Variants in DLC1 observed in about 807,000 individuals in gnomAD.
The protein encoded by DLC1 is rho GTPase-activating protein 7.
In DLC1, 54 loss-of-function variants were observed where a neutral mutation model predicts 140.3. The observed-to-expected ratio is 0.38, with a 90% CI of 0.31 to 0.48. DLC1 has a LOEUF of 0.48. Ranked by LOEUF, DLC1 falls within the 20% of genes least tolerant of loss-of-function variation. The probability of loss-of-function intolerance (pLI) is 0.96; values close to 1 mark genes in which losing one functional copy is unlikely to be tolerated. For missense variants in DLC1, 2,536 were observed against 1,907.0 expected, an observed-to-expected ratio of 1.33 and a Z score of -6.14; for synonymous variants, 986 against 728.1, an observed-to-expected ratio of 1.35 and a Z score of -5.70.
chr8:13,491,802 T>C (rs1801258963), intron 2 of DLC1, among the ~76,000 whole-genome samples: 1 of 152,198 alleles, frequency 6.6e-6, no homozygotes, highest in African/African-American at 2.4e-5. Context: ...GTGGTGGTTG[T>C]ATGACTTAAG....
intron 2 of DLC1, among the ~76,000 whole-genome samples, chr8:13,491,391 G>T (rs1279485523): frequency 6.6e-6 from 1 of 151,864 alleles, no homozygotes; most frequent in Non-Finnish European, 1.5e-5. Context: ...TGACATTTTT[G>T]ATATGGACTC....
At chr8:13,551,260 A>G (rs539652478) in intron 1 of DLC1, among the ~76,000 whole-genome samples, 1 of 152,188 alleles carries the variant, frequency 6.6e-6, no homozygotes, top group African/African-American at 2.4e-5. Flanking sequence ...TAGATGTTCA[A>G]TCTAGCATGC....
intron 5 of DLC1, among the ~76,000 whole-genome samples, chr8:13,234,564 T>C (rs1332643019): frequency 6.6e-6 from 1 of 152,144 alleles, no homozygotes; most frequent in East Asian, 1.9e-4. Context: ...AAGCTACTTC[T>C]TAGCACTTCC....
chr8:13,427,240 T>C (rs1838633994), intron 2 of DLC1, among the ~76,000 whole-genome samples: 1 of 152,190 alleles, frequency 6.6e-6, no homozygotes, highest in Admixed American at 6.5e-5. Context: ...ATCAATGCAT[T>C]GCCCCATGCC....
intron 1 of DLC1, chr8:13,566,725 G>C (rs567110686): frequency 7.6e-5 from 36 of 472,400 alleles, no homozygotes; most frequent in African/African-American, 6.7e-4. Flanking sequence ...GCAGAAGACA[G>C]GGCAAAATCG....
chr8:13,170,417 T>C (rs918008464), intron 5 of DLC1, among the ~76,000 whole-genome samples: 1 of 152,214 alleles, frequency 6.6e-6, no homozygotes, highest in African/African-American at 2.4e-5. Flanking sequence ...ACATTACTTA[T>C]CTCAGAAAAG....
intron 5 of DLC1, among the ~76,000 whole-genome samples, chr8:13,259,139 G>GAAAAAAAAA (rs776038964): frequency 3.0e-5 from 2 of 66,636 alleles, no homozygotes; most frequent in African/African-American, 5.6e-5. Flanking sequence ...TCCGTCTCAA[G>GAAAAAAAAA]AAAAAAAAAA....
chr8:13,241,331 CTT>C (rs1829536164), intron 5 of DLC1, among the ~76,000 whole-genome samples: 1 of 152,164 alleles, frequency 6.6e-6, no homozygotes, highest in Non-Finnish European at 1.5e-5. Context: ...ACTGTAAACT[CTT>C]TAGTGTGGGC....
chr8:13,518,688 C>G (rs1802671575), upstream of DLC1, among the ~76,000 whole-genome samples: 1 of 152,006 alleles, frequency 6.6e-6, no homozygotes, highest in African/African-American at 2.4e-5. Flanking sequence ...TTTATGTTTT[C>G]CATTTTTGTT....
rs1804588002 is a variant in DLC1, at chr8:13,569,920, T to C, written c.-126+34617A>G. Among the ~76,000 whole-genome samples, 3 of 152,082 alleles carry C rather than the reference T, an allele frequency of 2.0e-5. No individual in the cohort carries two copies. In the South Asian group the frequency reaches 6.2e-4, roughly 31 times the overall value. ...TTATTTGTATTTTCAGTAGAGAAAT[T>C]TTGCTATGTTGCCCAGACTGGTCTG... On this transcript the variant is annotated intron_variant, in intron 1 of 1. Transcript: ENST00000631382.
upstream of DLC1, among the ~76,000 whole-genome samples, chr8:13,516,685 A>G (rs1158521060): frequency 2.0e-5 from 3 of 152,218 alleles, no homozygotes; most frequent in Non-Finnish European, 4.4e-5. Flanking sequence ...GGTTTCTTTA[A>G]TTTAATCTTC....
At chr8:13,594,194 T>A (rs994130935) in intron 1 of DLC1, among the ~76,000 whole-genome samples, 1 of 152,002 alleles carries the variant, frequency 6.6e-6, no homozygotes, top group Admixed American at 6.6e-5. Flanking sequence ...TTTTATATGA[T>A]AGTGATAAAA....
rs892782362 is a variant in DLC1 at position 13,431,771 on chromosome 8, A to T, written c.1024-30152T>A. Among the ~76,000 whole-genome samples, 8 of 152,160 alleles carry T rather than the reference A, an allele frequency of 5.3e-5. No homozygotes were observed. In the East Asian group the frequency reaches 1.5e-3, roughly 29 times the overall value. On this transcript the variant is annotated intron_variant, in intron 2 of 17. Transcript: ENST00000276297. ...CCTATCTGTAGGGCTTGGGAAAGGG[A>T]ACGTGGGTGGGGAAGTGGGGTGGCA...
intron 7 of DLC1, among the ~76,000 whole-genome samples, chr8:13,105,116 G>A (rs967278371): frequency 1.3e-5 from 2 of 152,138 alleles, no homozygotes; most frequent in African/African-American, 4.8e-5. Flanking sequence ...AGGCCTATGG[G>A]GCTGGAGAGG....
chr8:13,449,534 C>G (rs770479596), intron 2 of DLC1, among the ~76,000 whole-genome samples: 1 of 152,032 alleles, frequency 6.6e-6, no homozygotes, highest in South Asian at 2.1e-4. Context: ...GGAAAGAATC[C>G]TATTTCCCCA....
At position 13,220,311 on chromosome 8, in the gene DLC1, T is replaced by A. The variant is rs530565551; in HGVS notation, c.1348+84958A>T. On this transcript the variant is annotated intron_variant, in intron 5 of 17. Coordinates refer to ENST00000276297, the MANE Select transcript of DLC1 (RefSeq NM_182643.3). ...AGGAAATTTGAATTTGAATCCGAAT[T>A]TGAATTTGCAGCAAAGGATAAAGGT... Among the ~76,000 whole-genome samples the A allele has an allele frequency of 2.7e-3, 418 of 152,196 alleles. 3 individuals carry two copies. Among genetic ancestry groups the A allele is most frequent in the African/African-American group, 9.5e-3 (395 of 41,530 alleles).
intron 1 of DLC1, chr8:13,567,258 C>A: frequency 6.4e-7 from 1 of 1,551,686 alleles, no homozygotes; most frequent in African/African-American, 1.4e-5. Context: ...AATGGATCAA[C>A]TACCTCAAGC....
At chr8:13,577,419 T>C (rs539573832) in intron 1 of DLC1, among the ~76,000 whole-genome samples, 245 of 152,274 alleles carry the variant, frequency 1.6e-3, no homozygotes, top group Non-Finnish European at 2.8e-3. Context: ...AGGTAATGTA[T>C]TTTTTGCAGT....
intron 4 of DLC1, among the ~76,000 whole-genome samples, chr8:13,376,068 A>G (rs11995069): frequency 0.14 from 20,648 of 152,184 alleles, 1,551 homozygotes; most frequent in Non-Finnish European, 0.17. Flanking sequence ...AAAGCACCAA[A>G]AAGAGGAAAA....
Sources: gnomAD v4.1 joint callset for allele counts (sites outside exome capture counted in the v4.1 genomes callset) on GRCh38, gnomAD v4.1.1 for gene constraint, MANE v1.5 for transcripts, NCBI Gene and HGNC (gene_info 2026-07-23, HGNC 2026-07-21) for gene names.